The following CAMKMT variants were observed in gnomAD, a reference collection of about 807,000 sequenced individuals.
CAMKMT encodes the protein CaM KMT.
Under a neutral mutation model 48.0 loss-of-function variants are expected in CAMKMT, and 53 were observed. The observed-to-expected ratio is 1.10, with a 90% CI of 0.89 to 1.39. The LOEUF is 1.39. Among genes scored for constraint, CAMKMT ranks in the 40% most tolerant of loss-of-function variants. The pLI is 0.00. For synonymous variants in CAMKMT, 165 were observed against 152.3 expected (o/e 1.08, Z -0.61); for missense variants, 428 against 402.7 (o/e 1.06, Z -0.54).
chr2:44,495,936 G>A (rs1457335576), intron 3 of CAMKMT, among the ~76,000 whole-genome samples: 1 of 152,190 alleles, frequency 6.6e-6, no homozygotes, highest in Non-Finnish European at 1.5e-5. Flanking sequence ...GTCTTTGGCA[G>A]AATCTCTTAC....
intron 7 of CAMKMT, among the ~76,000 whole-genome samples, chr2:44,723,418 C>T (rs1305683826): frequency 1.3e-5 from 2 of 151,928 alleles, no homozygotes; most frequent in Non-Finnish European, 2.9e-5. Flanking sequence ...TGGTGAAACC[C>T]CACCTCTACT....
chr2:44,675,094 A>G (rs1053977572), intron 3 of CAMKMT, among the ~76,000 whole-genome samples: 36 of 152,056 alleles, frequency 2.4e-4, no homozygotes, highest in African/African-American at 4.8e-4. Flanking sequence ...GGAAAAAAAA[A>G]AAGGCAAGCC....
chr2:44,761,763 G>C (rs1396494301), intron 9 of CAMKMT, among the ~76,000 whole-genome samples: 1 of 152,162 alleles, frequency 6.6e-6, no homozygotes, highest in African/African-American at 2.4e-5. Context: ...GTACCTAAGA[G>C]GTACTCAGCT....
At chr2:44,716,714 C>G (rs1678193569) in intron 7 of CAMKMT, among the ~76,000 whole-genome samples, 1 of 152,142 alleles carries the variant, frequency 6.6e-6, no homozygotes, top group African/African-American at 2.4e-5. Context: ...CTGGAGAGGA[C>G]TTCGTTTTTG....
intron 3 of CAMKMT, among the ~76,000 whole-genome samples, chr2:44,490,986 C>CA (rs751777055): frequency 1.8e-4 from 28 of 151,692 alleles, no homozygotes; most frequent in Non-Finnish European, 3.5e-4. Flanking sequence ...CTTGTCTCTA[C>CA]AAAAAATACA....
intron 3 of CAMKMT, among the ~76,000 whole-genome samples, chr2:44,482,630 G>C (rs698818): frequency 6.6e-6 from 1 of 151,930 alleles, no homozygotes; most frequent in Admixed American, 6.6e-5. Flanking sequence ...TGCTGGGACC[G>C]TTTTCTCTGA....
intron 10 of CAMKMT, among the ~76,000 whole-genome samples, chr2:44,770,814 A>T (rs1357398067): frequency 2.0e-5 from 3 of 152,234 alleles, no homozygotes; most frequent in Admixed American, 6.5e-5. Context: ...ATCCACAAGG[A>T]TCTTCCTAAA....
At chr2:44,397,640 T>C (rs1421204271) in intron 3 of CAMKMT, among the ~76,000 whole-genome samples, 1 of 152,026 alleles carries the variant, frequency 6.6e-6, no homozygotes, top group Admixed American at 6.6e-5. Flanking sequence ...ACGTTTGTTA[T>C]CAATTACCAG....
intron 3 of CAMKMT, among the ~76,000 whole-genome samples, chr2:44,536,350 A>G (rs1666772752): frequency 6.7e-6 from 1 of 150,030 alleles, no homozygotes; most frequent in African/African-American, 2.5e-5. Flanking sequence ...TTTAAGGTGG[A>G]GTCTCACTCT....
At chr2:44,494,470 T>A (rs927040952) in intron 3 of CAMKMT, among the ~76,000 whole-genome samples, 1 of 152,198 alleles carries the variant, frequency 6.6e-6, no homozygotes, top group African/African-American at 2.4e-5. Context: ...TAGAATTTGA[T>A]CCAAATTTTA....
chr2:44,695,415 C>G (rs545174910), intron 3 of CAMKMT, among the ~76,000 whole-genome samples: 1 of 152,174 alleles, frequency 6.6e-6, no homozygotes, highest in Admixed American at 6.5e-5. Flanking sequence ...TATGAAGTCC[C>G]CCTACTCACT....
chr2:44,736,917 C>T (rs1679386200), intron 7 of CAMKMT, among the ~76,000 whole-genome samples: 1 of 152,108 alleles, frequency 6.6e-6, no homozygotes, highest in South Asian at 2.1e-4. Flanking sequence ...ATTATGATAA[C>T]TATTGTAATG....
intron 3 of CAMKMT, among the ~76,000 whole-genome samples, chr2:44,561,214 T>C (rs188654349): frequency 1.3e-5 from 2 of 152,318 alleles, no homozygotes; most frequent in East Asian, 1.9e-4. Context: ...CTTGGCAGCA[T>C]ACTCCTGGTG....
intron 3 of CAMKMT, among the ~76,000 whole-genome samples, chr2:44,623,845 C>G (rs1558751932): frequency 6.6e-6 from 1 of 152,126 alleles, no homozygotes; most frequent in Non-Finnish European, 1.5e-5. Flanking sequence ...TGTATTGTCA[C>G]TATAGTTTAG....
chr2:44,415,401 G>GT (rs562362849), intron 3 of CAMKMT, among the ~76,000 whole-genome samples: 13 of 151,944 alleles, frequency 8.6e-5, no homozygotes, highest in East Asian at 1.9e-4. Context: ...GAGGTTAAAT[G>GT]TTTTTTTTGA....
intron 3 of CAMKMT, among the ~76,000 whole-genome samples, chr2:44,491,523 T>C (rs946579969): frequency 1.3e-5 from 2 of 152,234 alleles, no homozygotes; most frequent in Non-Finnish European, 2.9e-5. Context: ...AATTTTGGAA[T>C]ATTTTAAATG....
chr2:44,468,071 T>G (rs1349445212), intron 3 of CAMKMT, among the ~76,000 whole-genome samples: 9 of 152,040 alleles, frequency 5.9e-5, no homozygotes, highest in Admixed American at 3.3e-4. Context: ...AAAAGACAAC[T>G]GGAAGAATGG....
In CAMKMT at chr2:44,532,817, G is replaced by T. The variant is rs773537309; in HGVS notation, c.376+142512G>T. ...ATGAAGGTAACTGTATGCCATTAAA[G>T]TTTTTTTTTTTTTTTGAGACAGAGT... On this transcript the variant is annotated intron_variant, in intron 3 of 10. Coordinates refer to ENST00000378494, the MANE Select transcript of CAMKMT (RefSeq NM_024766.5). 4.8e-5 allele frequency among the ~76,000 whole-genome samples: 7 copies of T among 146,082 alleles called. No homozygotes were observed. The South Asian group carries it at 1.1e-3, about 23-fold the overall frequency.
intron 3 of CAMKMT, among the ~76,000 whole-genome samples, chr2:44,479,192 C>T (rs924334471): frequency 6.6e-6 from 1 of 152,084 alleles, no homozygotes; most frequent in Non-Finnish European, 1.5e-5. Context: ...GTAATAAATT[C>T]TAGAAAGATG....
Sources: allele counts gnomAD v4.1 joint callset (sites outside exome capture counted in the v4.1 genomes callset), GRCh38; gene constraint gnomAD v4.1.1; transcripts MANE v1.5; gene names NCBI Gene and HGNC (gene_info 2026-07-23, HGNC 2026-07-21).